NUDT21: variants seen among roughly 807,000 people sequenced by gnomAD.
NUDT21 encodes cleavage and polyadenylation specificity factor subunit 5.
A neutral mutation model predicts 29.8 loss-of-function variants in NUDT21; 5 were observed. The observed-to-expected ratio is 0.17, with a 90% CI of 0.09 to 0.35. NUDT21 has a LOEUF of 0.35. NUDT21 is among the 10% of genes least tolerant of loss of function. The pLI is 1.00. For missense variants in NUDT21, 76 were observed against 276.0 expected, an observed-to-expected ratio of 0.28 and a Z score of 5.13; for synonymous variants, 113 against 98.5, an observed-to-expected ratio of 1.15 and a Z score of -0.87.
At chr16:56,445,367 T>A (rs550844109) in intron 3 of NUDT21, among the ~76,000 whole-genome samples, 96 of 152,350 alleles carry the variant, frequency 6.3e-4, no homozygotes, top group African/African-American at 2.3e-3. Context: ...ATGCGTAATA[T>A]TCACATCATG....
Position 56,444,175 on chromosome 16 carries a change from T to G in NUDT21, c.381+2451A>C, listed in dbSNP as rs141754854. On this transcript the variant is annotated intron_variant, in intron 3 of 6. Coordinates refer to ENST00000300291, the MANE Select transcript of NUDT21 (RefSeq NM_007006.3). The stretch of plus-strand genomic sequence containing the variant: ...GGCACATACCTGCAGTCCTAGCTAC[T>G]CAGGAAGCTGAGGCAGGAAGATTGC... Among the ~76,000 whole-genome samples, 479 of 152,252 alleles carry G rather than the reference T, an allele frequency of 3.1e-3. 13 individuals carry two copies. In the South Asian group the frequency reaches 0.056, roughly 18 times the overall value.
intron 2 of NUDT21, 89 bp from the exon 3 acceptor site, chr16:56,446,778 T>A: frequency 1.3e-6 from 1 of 782,774 alleles, no homozygotes; most frequent in Non-Finnish European, 2.1e-6. Flanking sequence ...ACCAAGTCAC[T>A]AAGAACATAT....
At position 56,434,463 on chromosome 16, in the gene NUDT21, T is replaced by C; in HGVS notation, c.548-18A>G. On this transcript the variant is annotated intron_variant, in intron 5 of 6. Coordinates refer to ENST00000300291, the MANE Select transcript of NUDT21 (RefSeq NM_007006.3). ...AAACAAGGCTAAAATAAAACAGAAT[T>C]CATTATTATAAGTTATTATATAATC... The C allele has an allele frequency of 7.2e-7, 1 of 1,389,904 alleles. No homozygotes were observed. The highest frequency in any genetic ancestry group is 1.2e-5 in the South Asian group (1 of 85,182). The allele number at this position is 1,389,904 out of a possible 1,614,324, so 86.1% of individuals were successfully genotyped here.
At chr16:56,443,855 T>C (rs1962186055) in intron 3 of NUDT21, among the ~76,000 whole-genome samples, 3 of 152,202 alleles carry the variant, frequency 2.0e-5, no homozygotes, top group Admixed American at 6.5e-5. Flanking sequence ...ATCTTTTTCT[T>C]TATAAATTAC....
At position 56,432,117 on chromosome 16, in the gene NUDT21, G is replaced by A. The variant is rs1396606516; in HGVS notation, c.*595C>T. Reference sequence around the variant, plus strand: ...ATCGAGCCAATTTTAATAGTTTCCTGTATGTTTAAGGTCTGTTGCTTGCAA... The same window carrying A: ...ATCGAGCCAATTTTAATAGTTTCCTATATGTTTAAGGTCTGTTGCTTGCAA... On this transcript the variant is annotated 3_prime_UTR_variant, in exon 7 of 7. Transcript: ENST00000300291. 1 of 152,144 alleles carries A rather than the reference G, an allele frequency of 6.6e-6. No individual in the cohort carries two copies. The highest frequency in any genetic ancestry group is 1.5e-5 in the Non-Finnish European group (1 of 68,044). The allele number at this position is 152,144 out of a possible 1,614,324, so 9.4% of individuals were successfully genotyped here.
At chr16:56,449,420 A>C (rs74389740) in intron 1 of NUDT21, among the ~76,000 whole-genome samples, 17 of 152,332 alleles carry the variant, frequency 1.1e-4, no homozygotes, top group African/African-American at 3.8e-4. Flanking sequence ...TTCATGCAAT[A>C]TTTCCTAAAA....
chr16:56,432,639 A>G lies in NUDT21; in HGVS notation c.*73T>C. The G allele has an allele frequency of 7.3e-7, 1 of 1,376,486 alleles. No homozygotes were observed. Among genetic ancestry groups the G allele is most frequent in the Admixed American group, 2.4e-5 (1 of 41,914 alleles). 85.3% of individuals were successfully genotyped at this position (1,376,486 alleles called of 1,614,324 possible). ...AAAACCAAAAAAACTTTTCTACCACATTTATTCTACACTGTATATAGCTGT... is the reference window on the plus strand; with the variant it reads ...AAAACCAAAAAAACTTTTCTACCACGTTTATTCTACACTGTATATAGCTGT... On this transcript the variant is annotated 3_prime_UTR_variant, in exon 7 of 7. Coordinates refer to ENST00000300291, the MANE Select transcript of NUDT21 (RefSeq NM_007006.3).
rs1962014704 is a variant in NUDT21 at position 56,429,914 on chromosome 16, GAACAT to G, written c.*2793_*2797del. ...AAAAATAAAGTCATTAAAAAGCCGA[GAACAT>G]AAGAGCACAACATTTAAGAAAGGGA... On this transcript the variant is annotated 3_prime_UTR_variant, in exon 7 of 7. Transcript: ENST00000300291. 6.6e-6 allele frequency: 1 copy of G among 152,156 alleles called. No homozygotes were observed. Among genetic ancestry groups the G allele is most frequent in the Admixed American group, 6.5e-5 (1 of 15,278 alleles). 9.4% of individuals were successfully genotyped at this position (152,156 alleles called of 1,614,324 possible).
At chr16:56,433,276 G>GT (rs1180167228) in intron 6 of NUDT21, among the ~76,000 whole-genome samples, 3 of 152,278 alleles carry the variant, frequency 2.0e-5, no homozygotes, top group Non-Finnish European at 4.4e-5. Context: ...TGGCACTGTT[G>GT]TAAGCATTTT....
Position 56,451,146 on chromosome 16 carries a change from C to T in NUDT21, c.57G>A (p.Gln19=). 6.2e-7 allele frequency: 1 copy of T among 1,613,504 alleles called. No individual in the cohort carries two copies. Among genetic ancestry groups the T allele is most frequent in the Non-Finnish European group, 8.5e-7 (1 of 1,179,692 alleles). Reference sequence around the variant, plus strand: ...TCTGCTGGATGTACTTGTTGCCGAACTGAGTGACCCCCCGGGGCCAGCCGG... The same window carrying T: ...TCTGCTGGATGTACTTGTTGCCGAATTGAGTGACCCCCCGGGGCCAGCCGG... ...SQTGWPRGVT[Q]FGNKYIQQTK... is the part of the protein sequence containing the mutation. The change falls in exon 1 of 7, where the codon CAG becomes CAA. Residue 19 remains glutamine, a synonymous_variant. Transcript: ENST00000300291.
intron 3 of NUDT21, among the ~76,000 whole-genome samples, chr16:56,446,277 C>T (rs1252077322): frequency 6.6e-6 from 1 of 152,206 alleles, no homozygotes; most frequent in Non-Finnish European, 1.5e-5. Context: ...CTACAACACA[C>T]TAGCTATATA....
chr16:56,443,414 T>A (rs888888370), intron 3 of NUDT21, among the ~76,000 whole-genome samples: 1 of 152,152 alleles, frequency 6.6e-6, no homozygotes, highest in Admixed American at 6.5e-5. Context: ...GACCTCATGA[T>A]CCACCCGCCT....
chr16:56,441,288 G>A (rs1307908222), intron 3 of NUDT21, among the ~76,000 whole-genome samples: 1 of 152,042 alleles, frequency 6.6e-6, no homozygotes, highest in Non-Finnish European at 1.5e-5. Flanking sequence ...CCAGGCTGGA[G>A]TGCAGTGCCG....
rs927952494 is a variant in NUDT21, at chr16:56,432,014, T to C, written c.*698A>G. 5.9e-5 allele frequency: 9 copies of C among 152,296 alleles called. No homozygotes were observed. In the East Asian group the frequency reaches 1.7e-3, roughly 29 times the overall value. The allele number at this position is 152,296 out of a possible 1,614,324, so 9.4% of individuals were successfully genotyped here. A position where few individuals can be genotyped will look rare whatever the true frequency, so the allele number is the denominator to read the frequency against. On this transcript the variant is annotated 3_prime_UTR_variant, in exon 7 of 7. Coordinates refer to ENST00000300291, the MANE Select transcript of NUDT21 (RefSeq NM_007006.3). ...ACACATAATTTCGCAACAGCACAAA[T>C]AATTAATACCCCCATTATGTGAAGA...
rs1254537797 is a variant in NUDT21, at chr16:56,430,869, C to G, written c.*1843G>C. 1 of 152,188 alleles carries G rather than the reference C, an allele frequency of 6.6e-6. No individual in the cohort carries two copies. The highest frequency in any genetic ancestry group is 1.5e-5 in the Non-Finnish European group (1 of 68,038). 9.4% of individuals were successfully genotyped at this position (152,188 alleles called of 1,614,324 possible). A position where few individuals can be genotyped will look rare whatever the true frequency, so the allele number is the denominator to read the frequency against. ...TATGGATGACTGGCTCACGTACTTA[C>G]TGTATATTGGGAAGAAGTGAAGAAG... On this transcript the variant is annotated 3_prime_UTR_variant, in exon 7 of 7. Transcript: ENST00000300291.
At chr16:56,434,574 G>T (rs577041020) in intron 5 of NUDT21, 129 bp from the exon 6 acceptor site, 17 of 776,544 alleles carry the variant, frequency 2.2e-5, no homozygotes, top group Middle Eastern at 3.4e-4. Flanking sequence ...ATACATTTTG[G>T]TTGTGTCTTT....
In NUDT21 at chr16:56,451,313, A is replaced by C. The variant is rs1962315029; in HGVS notation, c.-111T>G. On this transcript the variant is annotated 5_prime_UTR_variant, in exon 1 of 7. Transcript: ENST00000300291. ...CCTCAGCGGCTACTGCCCGCCATTA[A>C]CAGGACAGCGCAAGAGGAGGCGTAG... The C allele has an allele frequency of 1.1e-6, 1 of 878,432 alleles. No homozygotes were observed. Among genetic ancestry groups the C allele is most frequent in the Non-Finnish European group, 1.8e-6 (1 of 569,026 alleles). 54.4% of individuals were successfully genotyped at this position (878,432 alleles called of 1,614,324 possible). A position where few individuals can be genotyped will look rare whatever the true frequency, so the allele number is the denominator to read the frequency against.
chr16:56,439,409 C>G (rs1962137196), intron 4 of NUDT21: 1 of 406,630 alleles, frequency 2.5e-6, no homozygotes, highest in Non-Finnish European at 4.6e-6. Flanking sequence ...CTGACCTCAA[C>G]AGGTGATCCA....
intron 1 of NUDT21, among the ~76,000 whole-genome samples, chr16:56,448,680 C>A (rs1229066000): frequency 1.3e-5 from 2 of 152,170 alleles, no homozygotes; most frequent in Non-Finnish European, 2.9e-5. Flanking sequence ...TAAAATATGG[C>A]TCAAACTGTT....
Sources: gnomAD v4.1 joint callset for allele counts (sites outside exome capture counted in the v4.1 genomes callset) on GRCh38, gnomAD v4.1.1 for gene constraint, MANE v1.5 for transcripts, NCBI Gene and HGNC (gene_info 2026-07-23, HGNC 2026-07-21) for gene names.